Variants in NELL1 observed in about 807,000 individuals in gnomAD.
The protein encoded by NELL1 is neural EGFL like 1, also known as protein kinase C-binding protein NELL1.
In NELL1, 76 loss-of-function variants were observed where a neutral mutation model predicts 107.4. The observed-to-expected ratio is 0.71, with a 90% CI of 0.59 to 0.86. The LOEUF (loss-of-function observed/expected upper bound fraction) is 0.86, where lower values mean the gene tolerates loss of function less well. Ranked by LOEUF, NELL1 falls within the 40% of genes least tolerant of loss-of-function variation. NELL1 has a pLI of 0.00. For synonymous variants in NELL1, 353 were observed against 341.2 expected (o/e 1.03, Z -0.38); for missense variants, 1,024 against 1,005.5 (o/e 1.02, Z -0.25).
intron 2 of NELL1, among the ~76,000 whole-genome samples, chr11:20,709,509 C>G (rs1409543422): frequency 6.6e-6 from 1 of 152,020 alleles, no homozygotes; most frequent in East Asian, 1.9e-4. Flanking sequence ...TTTAGTCTTG[C>G]TTTGGCTGCA....
At chr11:21,012,208 T>C (rs1243672450) in intron 12 of NELL1, among the ~76,000 whole-genome samples, 1 of 152,140 alleles carries the variant, frequency 6.6e-6, no homozygotes, top group African/African-American at 2.4e-5. Context: ...GAATGCTCTG[T>C]TTTTTACAGC....
intron 14 of NELL1, among the ~76,000 whole-genome samples, chr11:21,357,432 G>A (rs577435847): frequency 2.0e-5 from 3 of 152,050 alleles, no homozygotes; most frequent in East Asian, 3.9e-4. Flanking sequence ...TTGTATATTC[G>A]TTGGCCATTT....
chr11:20,711,743 A>G (rs1045105572), intron 2 of NELL1, among the ~76,000 whole-genome samples: 12 of 152,162 alleles, frequency 7.9e-5, no homozygotes, highest in African/African-American at 2.9e-4. Context: ...TTCTGCTAAG[A>G]AATCAGCTGT....
intron 15 of NELL1, among the ~76,000 whole-genome samples, chr11:21,391,149 A>G (rs923084662): frequency 6.6e-6 from 1 of 151,842 alleles, no homozygotes; most frequent in African/African-American, 2.4e-5. Flanking sequence ...ATTCTAGGTT[A>G]TATAAAACAT....
At chr11:21,170,861 A>G (rs1000989721) in intron 13 of NELL1, among the ~76,000 whole-genome samples, 22 of 151,590 alleles carry the variant, frequency 1.5e-4, no homozygotes, top group African/African-American at 4.4e-4. Context: ...TTTATGTTCT[A>G]TTAACTTACC....
intron 12 of NELL1, among the ~76,000 whole-genome samples, chr11:21,105,205 GGGTTAA>G (rs1854920218): frequency 6.6e-6 from 1 of 152,064 alleles, no homozygotes; most frequent in Admixed American, 6.5e-5. Flanking sequence ...ACGTGGAGTG[GGGTTAA>G]GAGTGGAGGT....
intron 5 of NELL1, among the ~76,000 whole-genome samples, chr11:20,893,367 G>A (rs528916504): frequency 2.5e-4 from 18 of 72,336 alleles, no homozygotes; most frequent in Non-Finnish European, 4.6e-4. Context: ...CATGTATCCC[G>A]TGTTTTTTTT....
chr11:21,530,398 T>C (rs1344079687), intron 15 of NELL1, among the ~76,000 whole-genome samples: 1 of 152,132 alleles, frequency 6.6e-6, no homozygotes, highest in Non-Finnish European at 1.5e-5. Flanking sequence ...TTACAGGAAT[T>C]CAAGGATTTG....
At chr11:20,934,512 G>A (rs548718661) in intron 9 of NELL1, among the ~76,000 whole-genome samples, 1 of 152,206 alleles carries the variant, frequency 6.6e-6, no homozygotes, top group Non-Finnish European at 1.5e-5. Context: ...TAGGAGTTTT[G>A]GGATGAGCCT....
At chr11:20,906,859 C>T (rs1850010764) in intron 5 of NELL1, among the ~76,000 whole-genome samples, 1 of 151,896 alleles carries the variant, frequency 6.6e-6, no homozygotes. Context: ...TAATAAAGGG[C>T]ATTAATGAAA....
At chr11:21,061,321 T>G (rs1399941442) in intron 12 of NELL1, among the ~76,000 whole-genome samples, 1 of 152,082 alleles carries the variant, frequency 6.6e-6, no homozygotes, top group African/African-American at 2.4e-5. Flanking sequence ...TGAAATAGAA[T>G]TGACTGGAGT....
chr11:21,109,839 C>T lies in NELL1; in HGVS notation c.1301-3750C>T, dbSNP rs114339220. On this transcript the variant is annotated intron_variant, in intron 12 of 19. Coordinates refer to ENST00000357134, the MANE Select transcript of NELL1 (RefSeq NM_006157.5). ...AAAGATGTTAATTCCTTTTTTACTCCGTTTATAATCAGATTTGCTTTTGAT... is the reference window on the plus strand; with the variant it reads ...AAAGATGTTAATTCCTTTTTTACTCTGTTTATAATCAGATTTGCTTTTGAT... Among the ~76,000 whole-genome samples the T allele has an allele frequency of 2.3e-3, 353 of 152,154 alleles. 2 individuals are homozygous for T. The highest frequency in any genetic ancestry group is 8.0e-3 in the African/African-American group (334 of 41,538).
chr11:21,109,965 C>T (rs935113318), intron 12 of NELL1, among the ~76,000 whole-genome samples: 1 of 152,070 alleles, frequency 6.6e-6, no homozygotes, highest in African/African-American at 2.4e-5. Flanking sequence ...ATCCTCTGTT[C>T]CCATCCCAAA....
intron 12 of NELL1, among the ~76,000 whole-genome samples, chr11:21,058,272 T>A (rs1305918318): frequency 6.6e-6 from 1 of 152,170 alleles, no homozygotes; most frequent in African/African-American, 2.4e-5. Flanking sequence ...TTGAATTACT[T>A]TGCCTAAAAA....
chr11:20,887,589 A>C (rs1329183934), intron 5 of NELL1, among the ~76,000 whole-genome samples: 1 of 152,176 alleles, frequency 6.6e-6, no homozygotes. Context: ...CCAGTCCACT[A>C]TCTAGCAGAA....
At chr11:20,775,392 A>T (rs1297731209) in intron 2 of NELL1, among the ~76,000 whole-genome samples, 3 of 152,186 alleles carry the variant, frequency 2.0e-5, no homozygotes, top group African/African-American at 7.2e-5. Flanking sequence ...TGGGGTGTAT[A>T]TATCCTAATT....
intron 9 of NELL1, among the ~76,000 whole-genome samples, chr11:20,932,740 G>A (rs895962400): frequency 1.3e-5 from 2 of 152,224 alleles, no homozygotes; most frequent in Non-Finnish European, 2.9e-5. Context: ...CCAAAATAAA[G>A]CCCTGGCAGT....
intron 13 of NELL1, among the ~76,000 whole-genome samples, chr11:21,142,401 C>T (rs955747531): frequency 2.6e-5 from 4 of 152,186 alleles, no homozygotes; most frequent in African/African-American, 9.7e-5. Flanking sequence ...TTCTCAAATT[C>T]CCTTGCTATC....
intron 3 of NELL1, among the ~76,000 whole-genome samples, chr11:20,788,772 C>T (rs1286338470): frequency 6.6e-6 from 1 of 151,992 alleles, no homozygotes; most frequent in Middle Eastern, 3.4e-3. Context: ...TGAAGAGTTA[C>T]TCCTATGTTT....
Sources: allele counts gnomAD v4.1 joint callset (sites outside exome capture counted in the v4.1 genomes callset), GRCh38; gene constraint gnomAD v4.1.1; transcripts MANE v1.5; gene names NCBI Gene and HGNC (gene_info 2026-07-23, HGNC 2026-07-21).